SLC18B1: variants seen among roughly 807,000 people sequenced by gnomAD.
SLC18B1 encodes solute carrier family 18 member B1.
Under a neutral mutation model 53.9 loss-of-function variants are expected in SLC18B1, and 62 were observed. The observed-to-expected ratio is 1.15, with a 90% confidence interval of 0.94 to 1.42. The LOEUF (loss-of-function observed/expected upper bound fraction) is 1.42, where lower values mean the gene tolerates loss of function less well. Ranked by LOEUF, SLC18B1 falls within the 40% of genes most tolerant of loss-of-function variation. The pLI is 0.00. For missense variants in SLC18B1, 598 were observed against 547.3 expected (o/e 1.09, Z -0.93); for synonymous variants, 217 against 200.9 (o/e 1.08, Z -0.68).
chr6:132,773,297 G>A (rs1317051544), intron 9 of SLC18B1, among the ~76,000 whole-genome samples: 1 of 128,828 alleles, frequency 7.8e-6, no homozygotes, highest in Non-Finnish European at 1.6e-5. Context: ...GGGGTGGGGG[G>A]GAATTCATCC....
chr6:132,782,232 C>T (rs1476111382), intron 6 of SLC18B1, among the ~76,000 whole-genome samples: 7 of 150,632 alleles, frequency 4.6e-5, no homozygotes, highest in Non-Finnish European at 1.0e-4. Flanking sequence ...CAGTGGCTTT[C>T]AGGATAACAT....
chr6:132,791,062 C>T (rs754393121), intron 2 of SLC18B1, among the ~76,000 whole-genome samples: 20 of 152,120 alleles, frequency 1.3e-4, no homozygotes, highest in Non-Finnish European at 2.1e-4. Flanking sequence ...TGTCAAGTCC[C>T]GGAACTATTG....
intron 6 of SLC18B1, among the ~76,000 whole-genome samples, chr6:132,780,103 T>C (rs1781195339): frequency 6.6e-6 from 1 of 151,382 alleles, no homozygotes; most frequent in Non-Finnish European, 1.5e-5. Context: ...TTTTTTTCTT[T>C]TTTTTTTTTA....
chr6:132,797,260 T>C (rs1431789963), intron 1 of SLC18B1, 139 bp from the exon 2 acceptor site: 1 of 1,052,852 alleles, frequency 9.5e-7, no homozygotes, highest in Non-Finnish European at 1.4e-6. Flanking sequence ...ATAGCACATT[T>C]GATCAAATGG....
chr6:132,786,820 A>G (rs969781205), intron 5 of SLC18B1, among the ~76,000 whole-genome samples: 1 of 152,182 alleles, frequency 6.6e-6, no homozygotes, highest in African/African-American at 2.4e-5. Flanking sequence ...GCAGCTGCCT[A>G]GAGATGGGAT....
chr6:132,772,646 G>A (rs2114659511), intron 10 of SLC18B1, among the ~76,000 whole-genome samples: 1 of 152,128 alleles, frequency 6.6e-6, no homozygotes, highest in Non-Finnish European at 1.5e-5. Flanking sequence ...TGATGACCAG[G>A]TGACAGATGC....
chr6:132,780,426 T>A (rs1347231623), intron 6 of SLC18B1, among the ~76,000 whole-genome samples: 2 of 152,132 alleles, frequency 1.3e-5, no homozygotes, highest in Admixed American at 6.5e-5. Flanking sequence ...TCCTACTACA[T>A]CCTGCACAGT....
Position 132,797,118 on chromosome 6 carries a change from T to C in SLC18B1, c.47A>G (p.Asp16Gly), listed in dbSNP as rs1781714380. The change falls in exon 2 of 14, where the codon GAT becomes GGT. Residue 16 changes from aspartate (D) to glycine (G), a missense_variant. Physicochemically the swap from Asp to Gly is moderately conservative, Grantham distance 94. Transcript: ENST00000275227. ...DLEGPRAPGG[D>G]DPAGSAGETP... The stretch of plus-strand genomic sequence containing the variant: ...CTCTCCTGCACTTCCTGCAGGATCA[T>C]CACCTTGAATGCAAACATGCAGCAA... 1 of 1,612,986 alleles carries C rather than the reference T, an allele frequency of 6.2e-7. No individual in the cohort carries two copies. The highest frequency in any genetic ancestry group is 8.5e-7 in the Non-Finnish European group (1 of 1,179,734).
At chr6:132,783,848 A>T in intron 6 of SLC18B1, 85 bp downstream of exon 6, 1 of 1,090,558 alleles carries the variant, frequency 9.2e-7, no homozygotes, top group Non-Finnish European at 1.2e-6. Context: ...TGATTATATA[A>T]AATAATAACT....
Position 132,770,139 on chromosome 6 carries a change from T to C in SLC18B1, c.*131A>G, listed in dbSNP as rs1388425042. 5.7e-6 allele frequency: 4 copies of C among 704,464 alleles called. No individual in the cohort carries two copies. The highest frequency in any genetic ancestry group is 1.7e-5 in the South Asian group (1 of 57,400). 43.6% of individuals were successfully genotyped at this position (704,464 alleles called of 1,614,324 possible). A position where few individuals can be genotyped will look rare whatever the true frequency, so the allele number is the denominator to read the frequency against. On this transcript the variant is annotated 3_prime_UTR_variant, in exon 14 of 14. Coordinates refer to ENST00000275227, the MANE Select transcript of SLC18B1 (RefSeq NM_052831.3). ...AATACAGGATCATCCAAAAACACGT[T>C]GACACTTCCAAGACACTGGCACGGG...
Position 132,770,162 on chromosome 6 carries a change from G to A in SLC18B1, c.*108C>T, listed in dbSNP as rs1562260472. On this transcript the variant is annotated 3_prime_UTR_variant, in exon 14 of 14. Coordinates refer to ENST00000275227, the MANE Select transcript of SLC18B1 (RefSeq NM_052831.3). ...GTTGACACTTCCAAGACACTGGCAC[G>A]GGGTCCACGGAGTTTTGCGCGTAAA... 4.1e-5 allele frequency: 35 copies of A among 849,732 alleles called. No homozygotes were observed. The highest frequency in any genetic ancestry group is 3.0e-4 in the South Asian group (20 of 67,318). The allele number at this position is 849,732 out of a possible 1,614,324, so 52.6% of individuals were successfully genotyped here. A position where few individuals can be genotyped will look rare whatever the true frequency, so the allele number is the denominator to read the frequency against.
In SLC18B1 at chr6:132,779,342, C is replaced by G; in HGVS notation, c.721G>C (p.Ala241Pro). 1 of 1,613,712 alleles carries G rather than the reference C, an allele frequency of 6.2e-7. No homozygotes were observed. Among genetic ancestry groups the G allele is most frequent in the Non-Finnish European group, 8.5e-7 (1 of 1,179,916 alleles). The change falls in exon 7 of 14, where the codon GCC becomes CCC. Residue 241 changes from alanine to proline, a missense_variant. Coordinates refer to ENST00000275227, the MANE Select transcript of SLC18B1 (RefSeq NM_052831.3). Reference sequence around the variant, plus strand: ...GAGCTGAGTGAGTTGATGACGAAGGCTATAAGGCCAACTTTGGGTAAAGCG... The same window carrying G: ...GAGCTGAGTGAGTTGATGACGAAGGGTATAAGGCCAACTTTGGGTAAAGCG... ...LIALPKVGLI[A>P]FVINSLSSCF...
intron 5 of SLC18B1, among the ~76,000 whole-genome samples, chr6:132,785,153 G>C (rs1009952180): frequency 6.6e-6 from 1 of 150,892 alleles, no homozygotes; most frequent in Non-Finnish European, 1.5e-5. Context: ...GTGTGTGTCA[G>C]TGTGTACATA....
At chr6:132,774,082 T>C (rs1031816260) in intron 9 of SLC18B1, 140 bp downstream of exon 9, 18 of 495,282 alleles carry the variant, frequency 3.6e-5, no homozygotes, top group African/African-American at 3.2e-4. Flanking sequence ...ATTGTCAGCC[T>C]AACAATTCAA....
At chr6:132,786,550 C>G (rs1169970103) in intron 5 of SLC18B1, among the ~76,000 whole-genome samples, 19 of 101,428 alleles carry the variant, frequency 1.9e-4, no homozygotes, top group South Asian at 4.1e-4. Context: ...CTCCATCCCC[C>G]ACTCCAAAAA....
chr6:132,788,700 G>A (rs1003468595), intron 4 of SLC18B1, among the ~76,000 whole-genome samples: 1 of 151,910 alleles, frequency 6.6e-6, no homozygotes, highest in African/African-American at 2.4e-5. Context: ...GTGAGCCCCT[G>A]TAATGCCAGC....
At position 132,772,128 on chromosome 6, in the gene SLC18B1, T is replaced by TCA. The variant is rs779971651; in HGVS notation, c.1160+2_1160+3dup. ...AAAAAGAAAGAAATTAAATGACTAC[T>TCA]CACCCAATTGACCACATTGCACTAA... On this transcript the variant is annotated splice_donor_region_variant and intron_variant, in intron 11 of 13. Coordinates refer to ENST00000275227, the MANE Select transcript of SLC18B1 (RefSeq NM_052831.3). 5.3e-6 allele frequency: 8 copies of TCA among 1,510,146 alleles called. No individual in the cohort carries two copies. The East Asian group carries it at 1.4e-4, about 27-fold the overall frequency. 93.5% of individuals were successfully genotyped at this position (1,510,146 alleles called of 1,614,324 possible).
Position 132,779,279 on chromosome 6 carries a change from C to G in SLC18B1, c.784G>C (p.Val262Leu). The G allele has an allele frequency of 5.0e-6, 8 of 1,613,810 alleles. No homozygotes were observed. Among genetic ancestry groups the G allele is most frequent in the Non-Finnish European group, 6.8e-6 (8 of 1,179,816 alleles). The change falls in exon 7 of 14, where the codon GTT (valine) becomes CTT (leucine). Residue 262 changes from valine (V) to leucine (L), a missense_variant. Physicochemically the swap from Val to Leu is conservative, Grantham distance 32. Transcript: ENST00000275227. ...GFLDPTLSLF[V>L]LEKFNLPAGY... ...ATCAGGTAACTTACCTTCTCCAAAA[C>G]AAAGAGAGACAGAGTAGGATCGAGG...
chr6:132,785,730 T>C (rs1463490590), intron 5 of SLC18B1, among the ~76,000 whole-genome samples: 1 of 151,850 alleles, frequency 6.6e-6, no homozygotes, highest in Non-Finnish European at 1.5e-5. Context: ...TTCCACAGAA[T>C]ACCAGCTCTT....
Sources: allele counts gnomAD v4.1 joint callset (sites outside exome capture counted in the v4.1 genomes callset), GRCh38; gene constraint gnomAD v4.1.1; transcripts MANE v1.5; gene names NCBI Gene and HGNC (gene_info 2026-07-23, HGNC 2026-07-21).